The following ABTB3 variants were observed in gnomAD, a reference collection of about 807,000 sequenced individuals.
The protein encoded by ABTB3 is ankyrin repeat- and BTB/POZ domain-containing protein 3.
chr12:107,495,319 G>A, the ABTB3 span, among the ~76,000 whole-genome samples: 582 of 152,328 alleles, frequency 3.8e-3, 3 homozygotes, highest in African/African-American at 0.013. Flanking sequence ...GTGTTCCCGC[G>A]TTCGTGTGCT....
At chr12:107,494,917 C>G in the ABTB3 span, among the ~76,000 whole-genome samples, 1 of 152,198 alleles carries the variant, frequency 6.6e-6, no homozygotes, top group African/African-American at 2.4e-5. Flanking sequence ...CCCCTGGAGC[C>G]TGCAAAACAG....
chr12:107,621,551 C>T, the ABTB3 span, among the ~76,000 whole-genome samples: 1 of 152,214 alleles, frequency 6.6e-6, no homozygotes, highest in East Asian at 1.9e-4. Context: ...TTAAGTAAAA[C>T]TAACCTGTGC....
the ABTB3 span, among the ~76,000 whole-genome samples, chr12:107,504,070 T>G: frequency 6.6e-6 from 1 of 152,150 alleles, no homozygotes; most frequent in African/African-American, 2.4e-5. Flanking sequence ...CTCCTGGCCT[T>G]GGGAAAAAGG....
the ABTB3 span, among the ~76,000 whole-genome samples, chr12:107,565,115 T>C: frequency 1.3e-5 from 2 of 152,124 alleles, no homozygotes; most frequent in African/African-American, 4.8e-5. Context: ...GCTGGGAAGC[T>C]GGAAACAGGA....
At chr12:107,424,976 G>T in the ABTB3 span, among the ~76,000 whole-genome samples, 7 of 152,106 alleles carry the variant, frequency 4.6e-5, no homozygotes, top group African/African-American at 1.7e-4. Context: ...CTGTCTAACT[G>T]GTCTCCCCAC....
At chr12:107,543,602 A>T in the ABTB3 span, among the ~76,000 whole-genome samples, 1 of 152,048 alleles carries the variant, frequency 6.6e-6, no homozygotes, top group Non-Finnish European at 1.5e-5. Flanking sequence ...CACAACATAG[A>T]GGGTGTGTCA....
chr12:107,419,708 A>C, the ABTB3 span, among the ~76,000 whole-genome samples: 6 of 152,218 alleles, frequency 3.9e-5, no homozygotes, highest in African/African-American at 9.6e-5. Flanking sequence ...TAATACAGGA[A>C]GAATACTTAG....
the ABTB3 span, among the ~76,000 whole-genome samples, chr12:107,361,025 G>A: frequency 2.9e-5 from 4 of 137,326 alleles, no homozygotes; most frequent in African/African-American, 1.1e-4. Flanking sequence ...TCTTGCCTTG[G>A]CCTCCCAAAG....
the ABTB3 span, among the ~76,000 whole-genome samples, chr12:107,592,244 G>C: frequency 6.6e-6 from 1 of 152,044 alleles, no homozygotes; most frequent in Non-Finnish European, 1.5e-5. Context: ...CAGTCAGATT[G>C]GCCAAAATAA....
the ABTB3 span, among the ~76,000 whole-genome samples, chr12:107,389,326 C>T: frequency 6.6e-6 from 1 of 152,244 alleles, no homozygotes; most frequent in Admixed American, 6.5e-5. Flanking sequence ...ATGTACTAGG[C>T]ATATTGCATG....
At chr12:107,531,581 T>C in the ABTB3 span, among the ~76,000 whole-genome samples, 4 of 152,038 alleles carry the variant, frequency 2.6e-5, no homozygotes, top group African/African-American at 9.7e-5. Context: ...GGTCAGAGAG[T>C]GGCCTGCTAT....
At chr12:107,401,012 G>C in the ABTB3 span, among the ~76,000 whole-genome samples, 1 of 152,210 alleles carries the variant, frequency 6.6e-6, no homozygotes, top group African/African-American at 2.4e-5. Context: ...GTGCCAGGCT[G>C]ATGACCATGT....
At chr12:107,466,524 C>T in the ABTB3 span, among the ~76,000 whole-genome samples, 17 of 151,956 alleles carry the variant, frequency 1.1e-4, no homozygotes, top group East Asian at 3.9e-4. Flanking sequence ...AGTGGCTTCT[C>T]GGTGGGTGTC....
the ABTB3 span, among the ~76,000 whole-genome samples, chr12:107,637,196 G>A: frequency 2.4e-3 from 373 of 152,296 alleles, no homozygotes; most frequent in African/African-American, 7.3e-3. Flanking sequence ...TTCGAGACCA[G>A]CCTTGCCAAC....
At chr12:107,570,439 T>A in the ABTB3 span, among the ~76,000 whole-genome samples, 2 of 152,156 alleles carry the variant, frequency 1.3e-5, no homozygotes, top group African/African-American at 4.8e-5. Context: ...GGTCTCGAAC[T>A]CCTAACCTCA....
the ABTB3 span, among the ~76,000 whole-genome samples, chr12:107,489,116 C>T: frequency 6.6e-6 from 1 of 152,140 alleles, no homozygotes; most frequent in African/African-American, 2.4e-5. Context: ...TAAAAACATT[C>T]GTACTGATAA....
At chr12:107,649,447 G>GGAA in the ABTB3 span, 3 of 628,522 alleles carry the variant, frequency 4.8e-6, no homozygotes, top group Non-Finnish European at 8.6e-6. Flanking sequence ...CTCCCAAACA[G>GGAA]GAAGGGCTTC....
the ABTB3 span, among the ~76,000 whole-genome samples, chr12:107,544,783 A>G: frequency 0.11 from 16,663 of 152,116 alleles, 977 homozygotes; most frequent in Middle Eastern, 0.13. Context: ...TGTAGGTGTG[A>G]CCCATTTATC....
chr12:107,615,474 C>T, the ABTB3 span, among the ~76,000 whole-genome samples: 21 of 152,274 alleles, frequency 1.4e-4, no homozygotes, highest in Non-Finnish European at 2.6e-4. Context: ...TTTTGCTTGT[C>T]GCAACATGAA....
Sources: gnomAD v4.1 joint callset for allele counts (sites outside exome capture counted in the v4.1 genomes callset) on GRCh38, gnomAD v4.1.1 for gene constraint, MANE v1.5 for transcripts, NCBI Gene and HGNC (gene_info 2026-07-23, HGNC 2026-07-21) for gene names.